Variants in TSHZ3 observed in about 807,000 individuals in gnomAD.
The protein encoded by TSHZ3 is teashirt homolog 3.
A neutral mutation model predicts 64.5 loss-of-function variants in TSHZ3; 10 were observed. The observed-to-expected ratio is 0.16, with a 90% CI of 0.10 to 0.26. The LOEUF is 0.26. Ranked by LOEUF, TSHZ3 falls within the 10% of genes least tolerant of loss-of-function variation. The pLI, the probability that TSHZ3 is intolerant of heterozygous loss-of-function variation, is 1.00. For missense variants in TSHZ3, 1,242 were observed against 1,421.7 expected, an observed-to-expected ratio of 0.87 and a Z score of 2.03; for synonymous variants, 608 against 593.1, an observed-to-expected ratio of 1.03 and a Z score of -0.36.
rs61742321 is a variant in TSHZ3, at chr19:31,279,307, G to T, written c.486C>A (p.Ser162Arg). ...CGCTCTGGTGCCAGTCGAAGCTCCCGCTGCCACAGCTGCTGCTGCTGCTAC... is the reference window on the plus strand; with the variant it reads ...CGCTCTGGTGCCAGTCGAAGCTCCCTCTGCCACAGCTGCTGCTGCTGCTAC... ...SSSSSSSSCG[S>R]GSFDWHQSAM... Residue 162 changes from serine (S) to arginine (R), a missense_variant, in exon 2 of 2, where the codon AGC becomes AGA. By Grantham distance (110) the Ser-to-Arg change is moderately radical. Coordinates refer to ENST00000240587, the MANE Select transcript of TSHZ3 (RefSeq NM_020856.4). The surrounding 1 kb of genome is among the most constrained non-coding windows in gnomAD (Gnocchi z 6.4). 1.2e-6 allele frequency: 2 copies of T among 1,613,406 alleles called. No individual in the cohort carries two copies. The highest frequency in any genetic ancestry group is 1.7e-6 in the Non-Finnish European group (2 of 1,179,682).
At chr19:31,245,755 C>A (rs1423763756) in intron 1 of TSHZ3, among the ~76,000 whole-genome samples, 1 of 152,172 alleles carries the variant, frequency 6.6e-6, no homozygotes, top group Non-Finnish European at 1.5e-5. Context: ...GCATTCCCTG[C>A]CTCTGACGGA....
At chr19:31,274,756 G>T (rs967664401), downstream of TSHZ3, among the ~76,000 whole-genome samples, 5 of 151,760 alleles carry the variant, frequency 3.3e-5, no homozygotes, top group South Asian at 2.1e-4. Flanking sequence ...CTGCCTCTGA[G>T]TAAGTGCTCC....
At chr19:31,163,598 G>A (rs759806999) in intron 5 of TSHZ3, among the ~76,000 whole-genome samples, 1 of 152,110 alleles carries the variant, frequency 6.6e-6, no homozygotes, top group Non-Finnish European at 1.5e-5. Flanking sequence ...AGGCCTGGTC[G>A]CGCTTGCCTG....
chr19:31,183,501 A>G (rs1318176547), intron 5 of TSHZ3, among the ~76,000 whole-genome samples: 2 of 152,206 alleles, frequency 1.3e-5, no homozygotes, highest in African/African-American at 4.8e-5. Context: ...CAAACAAAAA[A>G]TCTTAATTGC....
intron 3 of TSHZ3, among the ~76,000 whole-genome samples, chr19:31,237,196 C>A (rs921063420): frequency 3.9e-5 from 6 of 152,066 alleles, no homozygotes; most frequent in Non-Finnish European, 8.8e-5. Flanking sequence ...AAAGGCAATT[C>A]TTTCAATACA....
At chr19:31,161,983 T>A (rs867944079) in intron 5 of TSHZ3, among the ~76,000 whole-genome samples, 1 of 152,214 alleles carries the variant, frequency 6.6e-6, no homozygotes, top group Non-Finnish European at 1.5e-5. Context: ...TGGGTCGTTA[T>A]CTCCTGATAT....
intron 1 of TSHZ3, among the ~76,000 whole-genome samples, chr19:31,252,756 T>A (rs1190837684): frequency 2.6e-5 from 4 of 152,180 alleles, no homozygotes; most frequent in Non-Finnish European, 5.9e-5. Context: ...AATTACCCAG[T>A]CTCAGGTATT....
chr19:31,237,370 G>C (rs1252307900), intron 3 of TSHZ3, among the ~76,000 whole-genome samples: 1 of 151,760 alleles, frequency 6.6e-6, no homozygotes, highest in Non-Finnish European at 1.5e-5. Flanking sequence ...TATTATTATT[G>C]CTTCTTATTA....
intron 1 of TSHZ3, among the ~76,000 whole-genome samples, chr19:31,300,033 GAAGT>G (rs1458378801): frequency 1.3e-5 from 2 of 152,190 alleles, no homozygotes; most frequent in East Asian, 3.8e-4. Flanking sequence ...TTAAGACAGA[GAAGT>G]ATGTGTGTAT....
intron 1 of TSHZ3, chr19:31,308,655 A>G: frequency 2.5e-6 from 1 of 398,612 alleles, no homozygotes. Flanking sequence ...AGACTAGGGC[A>G]GCACGTTCTC....
intron 6 of TSHZ3, among the ~76,000 whole-genome samples, chr19:31,151,850 AT>A (rs1361973662): frequency 4.6e-5 from 7 of 152,146 alleles, no homozygotes; most frequent in African/African-American, 1.7e-4. Context: ...AATTAAGTGC[AT>A]TTTTTCATTA....
chr19:31,160,901 C>T (rs1429168325), intron 5 of TSHZ3, among the ~76,000 whole-genome samples: 1 of 151,934 alleles, frequency 6.6e-6, no homozygotes, highest in African/African-American at 2.4e-5. Context: ...CTTTAAATAT[C>T]TTTTTCTGTA....
intron 1 of TSHZ3, among the ~76,000 whole-genome samples, chr19:31,292,218 T>C (rs1976578746): frequency 6.6e-6 from 1 of 152,190 alleles, no homozygotes; most frequent in Non-Finnish European, 1.5e-5. Flanking sequence ...GGAATAGGAA[T>C]TGGGTAAATT....
At chr19:31,346,574 G>A (rs372992160) in intron 1 of TSHZ3, among the ~76,000 whole-genome samples, 4 of 152,044 alleles carry the variant, frequency 2.6e-5, no homozygotes, top group Non-Finnish European at 4.4e-5. Flanking sequence ...AAAAATTCTC[G>A]AGTATTCTCA....
intron 5 of TSHZ3, among the ~76,000 whole-genome samples, chr19:31,160,522 A>G (rs1431090800): frequency 6.6e-6 from 1 of 152,108 alleles, no homozygotes; most frequent in Non-Finnish European, 1.5e-5. Flanking sequence ...CTCACTTTTT[A>G]AGCTCCACGT....
chr19:31,325,582 C>T (rs908156145), intron 1 of TSHZ3, among the ~76,000 whole-genome samples: 2 of 152,108 alleles, frequency 1.3e-5, no homozygotes, highest in Admixed American at 6.5e-5. Flanking sequence ...CTGTGGGAAG[C>T]GAAATGTGTG....
intron 5 of TSHZ3, among the ~76,000 whole-genome samples, chr19:31,201,445 A>T (rs1177966027): frequency 2.6e-5 from 4 of 152,256 alleles, no homozygotes; most frequent in Non-Finnish European, 5.9e-5. Context: ...TGCTAAAAAA[A>T]ATTCACTATG....
At chr19:31,160,000 C>G (rs547089589) in intron 5 of TSHZ3, among the ~76,000 whole-genome samples, 39 of 152,144 alleles carry the variant, frequency 2.6e-4, no homozygotes, top group Non-Finnish European at 3.5e-4. Context: ...GAATGTTGCT[C>G]TTGAAGATAG....
chr19:31,242,762 G>A (rs1442206491), intron 2 of TSHZ3, among the ~76,000 whole-genome samples: 1 of 89,604 alleles, frequency 1.1e-5, no homozygotes, highest in Non-Finnish European at 2.1e-5. Context: ...AGTTCTAACA[G>A]AGAGAACCTG....
Sources: gnomAD v4.1 joint callset for allele counts (sites outside exome capture counted in the v4.1 genomes callset) on GRCh38, gnomAD v4.1.1 for gene constraint, Gnocchi (gnomAD v3.1) non-coding constraint, MANE v1.5 for transcripts, NCBI Gene and HGNC (gene_info 2026-07-23, HGNC 2026-07-21) for gene names.